The following DMGDH variants were observed in gnomAD, a reference collection of about 807,000 sequenced individuals.
DMGDH encodes dimethylglycine dehydrogenase, mitochondrial.
Under a neutral mutation model 95.2 loss-of-function variants are expected in DMGDH, and 76 were observed. That is an observed-to-expected ratio of 0.80 (90% CI 0.66 to 0.97). The LOEUF (loss-of-function observed/expected upper bound fraction) is 0.97, where lower values mean the gene tolerates loss of function less well. Among genes scored for constraint, DMGDH ranks in the 50% least tolerant of loss-of-function variants. DMGDH has a pLI of 0.00. For missense variants in DMGDH, 987 were observed against 1,055.0 expected (o/e 0.94, Z 0.89); for synonymous variants, 345 against 377.6 (o/e 0.91, Z 1.00).
intron 3 of DMGDH, among the ~76,000 whole-genome samples, 197 bp downstream of exon 3, chr5:79,055,613 A>G (rs1387129786): frequency 6.6e-6 from 1 of 152,260 alleles, no homozygotes; most frequent in Non-Finnish European, 1.5e-5. Flanking sequence ...GGTTCATGAC[A>G]TGAATAATAT....
At chr5:79,015,522 G>A (rs1171150192) in intron 14 of DMGDH, among the ~76,000 whole-genome samples, 1 of 152,164 alleles carries the variant, frequency 6.6e-6, no homozygotes, top group Non-Finnish European at 1.5e-5. Context: ...GACTTTTCAA[G>A]TATCATCTTT....
intron 15 of DMGDH, chr5:79,000,812 A>C: frequency 1.6e-6 from 1 of 628,938 alleles, no homozygotes; most frequent in South Asian, 1.8e-5. Flanking sequence ...CAAAGCAGGT[A>C]CTCTCACCGA....
intron 2 of DMGDH, among the ~76,000 whole-genome samples, chr5:79,058,206 C>T (rs78321182): frequency 0.071 from 10,835 of 152,234 alleles, 854 homozygotes; most frequent in African/African-American, 0.18. Context: ...TCAATTTTCT[C>T]ACTCAGACAT....
Position 79,033,274 on chromosome 5 carries a change from GC to G in DMGDH, c.1327del (p.Ala443ProfsTer87). 1 of 1,614,052 alleles carries G rather than the reference GC, an allele frequency of 6.2e-7. No individual in the cohort carries two copies. Among genetic ancestry groups the G allele is most frequent in the Non-Finnish European group, 8.5e-7 (1 of 1,180,010 alleles). ...GKWTTTQYTE[A>X]KARESYGFNN... is the part of the protein sequence containing the mutation. ...GAATCCATATGATTCTCTTGCTTTG[GC>G]CTCAGTGTACTGGGTTGTTGTCCAT... On this transcript the variant is annotated frameshift_variant, in exon 8 of 16. Coordinates refer to ENST00000255189, the MANE Select transcript of DMGDH (RefSeq NM_013391.3). LOFTEE classifies it high-confidence loss of function.
intron 6 of DMGDH, 127 bp downstream of exon 6, chr5:79,044,177 C>T: frequency 2.2e-6 from 3 of 1,362,256 alleles, no homozygotes; most frequent in Non-Finnish European, 3.1e-6. Flanking sequence ...AACCTGTCAC[C>T]TCCAATGTCC....
chr5:79,042,773 T>C (rs1754549280), intron 6 of DMGDH, among the ~76,000 whole-genome samples: 1 of 106,800 alleles, frequency 9.4e-6, no homozygotes, highest in South Asian at 3.2e-4. Context: ...ATCAGTTTTT[T>C]TTAAAAAAAA....
chr5:79,054,138 T>G (rs202101666), intron 4 of DMGDH, 46 bp downstream of exon 4: 399 of 1,605,034 alleles, frequency 2.5e-4, no homozygotes, highest in Non-Finnish European at 3.0e-4. Flanking sequence ...TTTTTCTAAT[T>G]TTTACTTAAG....
chr5:79,043,056 T>C (rs1754560558), intron 6 of DMGDH, among the ~76,000 whole-genome samples: 1 of 152,180 alleles, frequency 6.6e-6, no homozygotes, highest in Non-Finnish European at 1.5e-5. Flanking sequence ...GGTCTTGAAG[T>C]GCAATCCTCC....
chr5:79,026,769 T>C (rs1171580451), intron 12 of DMGDH, among the ~76,000 whole-genome samples, 188 bp from the exon 13 acceptor site: 1 of 152,206 alleles, frequency 6.6e-6, no homozygotes, highest in African/African-American at 2.4e-5. Context: ...ATATCACAGA[T>C]GCATTTGTGC....
intron 1 of DMGDH, among the ~76,000 whole-genome samples, chr5:79,066,296 T>G (rs1358543384): frequency 6.6e-6 from 1 of 150,824 alleles, no homozygotes; most frequent in Non-Finnish European, 1.5e-5. Context: ...TCTATTTTAT[T>G]TTTTTTTTAG....
intron 1 of DMGDH, among the ~76,000 whole-genome samples, chr5:79,068,775 AT>A (rs1755454956): frequency 1.3e-5 from 2 of 152,248 alleles, no homozygotes; most frequent in Non-Finnish European, 2.9e-5. Flanking sequence ...ATACAGACCA[AT>A]CAAAACAAGG....
In DMGDH at chr5:79,069,558, G is replaced by T. The variant is rs1755490332; in HGVS notation, c.63C>A (p.Gly21=). The change falls in exon 1 of 16, where the codon GGC becomes GGA. Residue 21 remains glycine, a synonymous_variant. Coordinates refer to ENST00000255189, the MANE Select transcript of DMGDH (RefSeq NM_013391.3). ...AGACAGAGCGCGGGCGCCCGGGGGA[G>T]CCCTGCAGCGGGCAGCTCCGCAGCA... ...GLLLRSCPLQ[G]SPGRPRSVCG... 1 of 1,335,856 alleles carries T rather than the reference G, an allele frequency of 7.5e-7. No individual in the cohort carries two copies. Among genetic ancestry groups the T allele is most frequent in the South Asian group, 2.0e-5 (1 of 49,306 alleles). 82.8% of individuals were successfully genotyped at this position (1,335,856 alleles called of 1,614,324 possible).
At chr5:79,012,984 T>C (rs1263422221) in intron 14 of DMGDH, among the ~76,000 whole-genome samples, 4 of 152,262 alleles carry the variant, frequency 2.6e-5, no homozygotes, top group African/African-American at 9.6e-5. Flanking sequence ...GGCTCCTTTT[T>C]ACTTATGCAA....
chr5:79,044,197 G>A, intron 6 of DMGDH, 107 bp downstream of exon 6: 1 of 1,520,386 alleles, frequency 6.6e-7, no homozygotes, highest in Non-Finnish European at 9.1e-7. Context: ...CCAGGTATCT[G>A]AAAGTCTAGT....
At chr5:79,050,179 AC>A (rs1754799927) in intron 5 of DMGDH, among the ~76,000 whole-genome samples, 1 of 142,634 alleles carries the variant, frequency 7.0e-6, no homozygotes, top group Non-Finnish European at 1.5e-5. Flanking sequence ...ATCGCTTGAA[AC>A]CTGGTTGCAG....
Position 79,005,350 on chromosome 5 carries a change from G to T in DMGDH, c.2308C>A (p.Arg770=), listed in dbSNP as rs779863966. Residue 770 remains arginine (R), a synonymous_variant, in exon 15 of 16, where the codon CGA becomes AGA. Transcript: ENST00000255189. ...LKQIKAKGLK[R]RLVCLTLATD... ...GCCAAGGTGAGGCAGACCAGTCTTC[G>T]TTTCAGCCCCTTGGCTTTAATCTGT... 2 of 1,613,904 alleles carry T rather than the reference G, an allele frequency of 1.2e-6. No homozygotes were observed. The highest frequency in any genetic ancestry group is 1.7e-6 in the Non-Finnish European group (2 of 1,179,962).
chr5:79,021,215 G>A (rs540768123), intron 14 of DMGDH: 15 of 1,005,174 alleles, frequency 1.5e-5, no homozygotes, highest in African/African-American at 1.7e-5. Context: ...TGTTGTATGC[G>A]GCTGGAGAGC....
At chr5:79,042,741 A>G (rs1333721231) in intron 6 of DMGDH, among the ~76,000 whole-genome samples, 2 of 150,984 alleles carry the variant, frequency 1.3e-5, no homozygotes, top group African/African-American at 4.9e-5. Context: ...TATGAATAAT[A>G]TAGTTTCTGA....
chr5:79,037,233 G>A (rs1754370012), intron 7 of DMGDH, among the ~76,000 whole-genome samples: 1 of 152,140 alleles, frequency 6.6e-6, no homozygotes, highest in African/African-American at 2.4e-5. Context: ...AAGCCACATG[G>A]GTTCTAGTGA....
Sources: gnomAD v4.1 joint callset for allele counts (sites outside exome capture counted in the v4.1 genomes callset) on GRCh38, gnomAD v4.1.1 for gene constraint, MANE v1.5 for transcripts, NCBI Gene and HGNC (gene_info 2026-07-23, HGNC 2026-07-21) for gene names.